CNKSR2: variants seen among roughly 807,000 people sequenced by gnomAD.
CNKSR2 encodes the protein connector enhancer of kinase suppressor of Ras 2, also known as CNK homolog protein 2.
A neutral mutation model predicts 84.4 loss-of-function variants in CNKSR2; 14 were observed. That is an observed-to-expected ratio of 0.17 (90% CI 0.11 to 0.26). The LOEUF (loss-of-function observed/expected upper bound fraction) is 0.26. Ranked by LOEUF, CNKSR2 falls within the 10% of genes least tolerant of loss-of-function variation. The pLI, the probability that CNKSR2 is intolerant of heterozygous loss-of-function variation, is 1.00. For synonymous variants in CNKSR2, 275 were observed against 277.9 expected (o/e 0.99, Z 0.10); for missense variants, 485 against 771.2 (o/e 0.63, Z 4.40).
intron 4 of CNKSR2, among the ~76,000 whole-genome samples, chrX:21,443,895 A>G (rs2090817982): frequency 9.0e-6 from 1 of 111,546 alleles, no homozygotes; most frequent in Non-Finnish European, 1.9e-5. Flanking sequence ...TGTGCTTTCT[A>G]TTCACTTGTG....
intron 13 of CNKSR2, among the ~76,000 whole-genome samples, chrX:21,580,896 G>A (rs190950432): frequency 4.8e-4 from 54 of 111,428 alleles, no homozygotes; most frequent in African/African-American, 1.4e-3. Flanking sequence ...AAATTTCAAC[G>A]GTTTCTGTCA....
At chrX:21,545,136 G>T (rs181948859) in intron 11 of CNKSR2, among the ~76,000 whole-genome samples, 2 of 111,768 alleles carry the variant, frequency 1.8e-5, no homozygotes, top group African/African-American at 6.5e-5. Context: ...AGATCCACTG[G>T]CTTGAAATTC....
chrX:21,519,686 G>T (rs2091763333), intron 9 of CNKSR2, among the ~76,000 whole-genome samples: 1 of 110,677 alleles, frequency 9.0e-6, no homozygotes, highest in Non-Finnish European at 1.9e-5. Flanking sequence ...TTAGAATAGA[G>T]GATACAAAAG....
intron 4 of CNKSR2, among the ~76,000 whole-genome samples, chrX:21,449,765 AGAACATGGT>A (rs1719128106): frequency 8.9e-6 from 1 of 112,070 alleles, no homozygotes; most frequent in Non-Finnish European, 1.9e-5. Context: ...GAGGAAAAAG[AGAACATGGT>A]GAACCATGCA....
intron 20 of CNKSR2, among the ~76,000 whole-genome samples, chrX:21,615,725 G>A (rs1045588854): frequency 4.5e-5 from 5 of 111,178 alleles, no homozygotes; most frequent in Admixed American, 9.6e-5. Flanking sequence ...AAGGCAAAGC[G>A]GGCAATTACA....
chrX:21,573,081 G>A (rs950994252), intron 13 of CNKSR2, among the ~76,000 whole-genome samples: 5 of 111,867 alleles, frequency 4.5e-5, no homozygotes, highest in African/African-American at 1.6e-4. Flanking sequence ...AAACAAAGGG[G>A]CAACAGGCCA....
At chrX:21,551,030 CA>C (rs201507178) in intron 11 of CNKSR2, among the ~76,000 whole-genome samples, 9,942 of 77,556 alleles carry the variant, frequency 0.13, 465 homozygotes, top group East Asian at 0.29. Flanking sequence ...GACTCCATCT[CA>C]AAAAAAAAAA....
chrX:21,539,706 CTTTG>C (rs764067460), intron 11 of CNKSR2, among the ~76,000 whole-genome samples: 124 of 110,796 alleles, frequency 1.1e-3, no homozygotes, highest in Non-Finnish European at 1.7e-3. Context: ...GGGTAGGGTG[CTTTG>C]TTTGGGTTGT....
At chrX:21,509,831 T>G (rs1258128298) in intron 8 of CNKSR2, among the ~76,000 whole-genome samples, 1 of 112,212 alleles carries the variant, frequency 8.9e-6, no homozygotes, top group African/African-American at 3.2e-5. Flanking sequence ...AAATTCATTA[T>G]TTCTGAAATG....
At chrX:21,549,052 G>C (rs953514656) in intron 11 of CNKSR2, among the ~76,000 whole-genome samples, 7 of 112,615 alleles carry the variant, frequency 6.2e-5, no homozygotes, top group Non-Finnish European at 1.9e-5. Flanking sequence ...ATTCAGCATA[G>C]TATTGGAAGT....
intron 1 of CNKSR2, among the ~76,000 whole-genome samples, chrX:21,377,681 G>T (rs2146937563): frequency 9.0e-6 from 1 of 111,219 alleles, no homozygotes; most frequent in Non-Finnish European, 1.9e-5. Flanking sequence ...ACTTTCTAGG[G>T]TATTTTTTTC....
chrX:21,570,536 T>C (rs1002486199), intron 13 of CNKSR2, among the ~76,000 whole-genome samples: 2 of 111,671 alleles, frequency 1.8e-5, no homozygotes, highest in Non-Finnish European at 3.8e-5. Flanking sequence ...AATAAGGCTG[T>C]TTCGTTTTCC....
chrX:21,375,581 G>A (rs2089798912), intron 1 of CNKSR2, among the ~76,000 whole-genome samples: 1 of 112,266 alleles, frequency 8.9e-6, no homozygotes, highest in Non-Finnish European at 1.9e-5. Flanking sequence ...CCCTGGGACA[G>A]CATCCTTGCT....
chrX:21,465,745 TATG>T (rs1045063194), intron 4 of CNKSR2, among the ~76,000 whole-genome samples: 1 of 111,609 alleles, frequency 9.0e-6, no homozygotes, highest in Non-Finnish European at 1.9e-5. Flanking sequence ...GCACTGTTCT[TATG>T]ATTATAATAT....
intron 6 of CNKSR2, chrX:21,494,658 TC>T (rs2091474943): frequency 9.0e-6 from 1 of 111,113 alleles, no homozygotes; most frequent in South Asian, 4.0e-4. Flanking sequence ...TGGGTGGTCC[TC>T]TGGGTGTGCA....
At chrX:21,544,362 C>T (rs1449055263) in intron 11 of CNKSR2, among the ~76,000 whole-genome samples, 6 of 111,413 alleles carry the variant, frequency 5.4e-5, no homozygotes, top group Non-Finnish European at 1.1e-4. Flanking sequence ...TAGAAGGGCC[C>T]AGTTATAATC....
At chrX:21,639,311 C>T (rs2092684202) in intron 20 of CNKSR2, among the ~76,000 whole-genome samples, 1 of 111,522 alleles carries the variant, frequency 9.0e-6, no homozygotes, top group East Asian at 2.8e-4. Context: ...TTAGAGATTT[C>T]ATCTAGATTA....
intron 1 of CNKSR2, among the ~76,000 whole-genome samples, chrX:21,416,660 G>A (rs916601527): frequency 7.2e-5 from 8 of 110,933 alleles, no homozygotes; most frequent in African/African-American, 2.3e-4. Flanking sequence ...TTCAATCTTG[G>A]TAGGTTGTTT....
At chrX:21,443,307 T>G (rs2090811001) in intron 4 of CNKSR2, among the ~76,000 whole-genome samples, 1 of 111,765 alleles carries the variant, frequency 8.9e-6, no homozygotes, top group South Asian at 3.7e-4. Flanking sequence ...GTCAGAGATT[T>G]TTTTCTCCAT....
Sources: allele counts gnomAD v4.1 joint callset (sites outside exome capture counted in the v4.1 genomes callset), GRCh38; gene constraint gnomAD v4.1.1; transcripts MANE v1.5; gene names NCBI Gene and HGNC (gene_info 2026-07-23, HGNC 2026-07-21).